The following PPP2R2B variants were observed in gnomAD, a reference collection of about 807,000 sequenced individuals.
PPP2R2B encodes the protein protein phosphatase 2 regulatory subunit Bbeta.
PPP2R2B carries 5 observed loss-of-function variants against 46.0 expected under a neutral mutation model. The observed-to-expected ratio is 0.11, with a 90% CI of 0.06 to 0.23. The LOEUF is 0.23. Ranked by LOEUF, PPP2R2B falls within the 10% of genes least tolerant of loss-of-function variation. The pLI is 1.00. For missense variants in PPP2R2B, 367 were observed against 575.0 expected (o/e 0.64, Z 3.70); for synonymous variants, 215 against 206.7 (o/e 1.04, Z -0.34).
In PPP2R2B at chr5:146,984,230, T is replaced by G. The variant is rs75255627; in HGVS notation, c.79+71435A>C. The stretch of plus-strand genomic sequence containing the variant: ...TTGTTTACTGAGACTTTGTATGCTC[T>G]GACTATCATCTTCTCATTCCTCCAA... On this transcript the variant is annotated intron_variant, in intron 1 of 8. Transcript: ENST00000336640. 5.4e-3 allele frequency among the ~76,000 whole-genome samples: 822 copies of G among 152,338 alleles called. 5 individuals are homozygous for G. Among genetic ancestry groups the G allele is most frequent in the Non-Finnish European group, 9.2e-3 (629 of 68,036 alleles).
chr5:147,071,692 C>T (rs1475037884), intron 2 of PPP2R2B, among the ~76,000 whole-genome samples: 1 of 152,096 alleles, frequency 6.6e-6, no homozygotes, highest in African/African-American at 2.4e-5. Context: ...TGCATGAAGT[C>T]TTGACCATCC....
chr5:146,960,420 G>T (rs1752120032), intron 1 of PPP2R2B, among the ~76,000 whole-genome samples: 1 of 152,130 alleles, frequency 6.6e-6, no homozygotes, highest in Non-Finnish European at 1.5e-5. Flanking sequence ...CTCCTGAGTA[G>T]CTGGGGTTAC....
At chr5:146,877,957 C>T in intron 2 of PPP2R2B, 45 bp downstream of exon 2, 1 of 1,592,144 alleles carries the variant, frequency 6.3e-7, no homozygotes. Context: ...TGATCCGCAA[C>T]TTGCGCCCGG....
At chr5:146,919,880 GT>G (rs1408658133) in intron 1 of PPP2R2B, 4 of 152,168 alleles carry the variant, frequency 2.6e-5, no homozygotes, top group African/African-American at 9.6e-5. Context: ...TGAATTAAAC[GT>G]TTATTTAGAA....
intron 2 of PPP2R2B, among the ~76,000 whole-genome samples, chr5:146,716,383 A>G (rs1780500002): frequency 6.7e-6 from 1 of 148,872 alleles, no homozygotes; most frequent in African/African-American, 2.6e-5. Flanking sequence ...CAGAATTCCT[A>G]TTTTACTCAA....
intron 7 of PPP2R2B, 48 bp from the exon 8 acceptor site, chr5:146,600,508 TG>T: frequency 6.3e-7 from 1 of 1,583,524 alleles, no homozygotes; most frequent in Non-Finnish European, 8.6e-7. Flanking sequence ...CCTTATCAAC[TG>T]ACTCTAACAT....
chr5:147,035,494 T>C (rs571660763), intron 1 of PPP2R2B, among the ~76,000 whole-genome samples: 90 of 152,304 alleles, frequency 5.9e-4, no homozygotes, highest in Middle Eastern at 3.4e-3. Context: ...TGAATTCCTT[T>C]GTCTTCTGTT....
chr5:146,642,616 T>C (rs1247478182), intron 6 of PPP2R2B, among the ~76,000 whole-genome samples: 1 of 152,206 alleles, frequency 6.6e-6, no homozygotes, highest in Non-Finnish European at 1.5e-5. Context: ...TTAAAACTTA[T>C]ACTCTGAAAA....
At chr5:146,914,907 A>G (rs1283156511) in intron 1 of PPP2R2B, among the ~76,000 whole-genome samples, 1 of 152,158 alleles carries the variant, frequency 6.6e-6, no homozygotes, top group East Asian at 1.9e-4. Context: ...CTAGTCCTCC[A>G]CTTTCAGTAT....
At chr5:146,734,897 C>T (rs553516004) in intron 2 of PPP2R2B, among the ~76,000 whole-genome samples, 1 of 152,122 alleles carries the variant, frequency 6.6e-6, no homozygotes, top group African/African-American at 2.4e-5. Context: ...ACTGTTGCAC[C>T]AACCTAAATC....
At chr5:146,786,265 CT>C (rs1332331932) in intron 2 of PPP2R2B, among the ~76,000 whole-genome samples, 1 of 152,170 alleles carries the variant, frequency 6.6e-6, no homozygotes, top group African/African-American at 2.4e-5. Flanking sequence ...CATTTCTGAG[CT>C]TTAGGATAAC....
intron 1 of PPP2R2B, among the ~76,000 whole-genome samples, chr5:146,884,131 A>G (rs1389211143): frequency 7.2e-6 from 1 of 139,806 alleles, no homozygotes; most frequent in Admixed American, 7.4e-5. Context: ...GTTGTTAAAC[A>G]TTTACCAGCC....
intron 1 of PPP2R2B, chr5:147,040,819 A>AG (rs1161675065): frequency 2.3e-6 from 1 of 438,338 alleles, no homozygotes; most frequent in African/African-American, 2.1e-5. Context: ...AAAAAAAAAA[A>AG]AAAAACTGTA....
At chr5:147,008,056 T>C (rs192485189) in intron 1 of PPP2R2B, among the ~76,000 whole-genome samples, 3 of 152,310 alleles carry the variant, frequency 2.0e-5, no homozygotes, top group East Asian at 3.9e-4. Context: ...TTCTTATTTA[T>C]TGAACATCAA....
chr5:146,853,701 T>C (rs1215077084), intron 2 of PPP2R2B, among the ~76,000 whole-genome samples: 2 of 152,078 alleles, frequency 1.3e-5, no homozygotes, highest in African/African-American at 4.8e-5. Context: ...GTATCCACTA[T>C]GGCCACCATC....
intron 1 of PPP2R2B, among the ~76,000 whole-genome samples, chr5:146,981,263 C>A (rs543744456): frequency 1.3e-5 from 2 of 152,184 alleles, no homozygotes; most frequent in East Asian, 3.9e-4. Flanking sequence ...TACTTCAATC[C>A]CTCTTTTAGG....
intron 2 of PPP2R2B, among the ~76,000 whole-genome samples, chr5:146,821,252 C>T (rs1027361653): frequency 7.9e-5 from 12 of 152,152 alleles, no homozygotes; most frequent in African/African-American, 2.7e-4. Context: ...CATCAACCCA[C>T]CTGCCATCCC....
At chr5:147,018,984 G>A (rs1755134443) in intron 1 of PPP2R2B, among the ~76,000 whole-genome samples, 1 of 152,154 alleles carries the variant, frequency 6.6e-6, no homozygotes, top group Non-Finnish European at 1.5e-5. Flanking sequence ...GTATAGTTCA[G>A]CCTACAAATC....
intron 2 of PPP2R2B, among the ~76,000 whole-genome samples, chr5:146,871,072 G>C (rs910759409): frequency 6.6e-6 from 1 of 152,172 alleles, no homozygotes; most frequent in African/African-American, 2.4e-5. Flanking sequence ...AGTTATGTTG[G>C]GGCTGACTTT....
Sources: gnomAD v4.1 joint callset for allele counts (sites outside exome capture counted in the v4.1 genomes callset) on GRCh38, gnomAD v4.1.1 for gene constraint, MANE v1.5 for transcripts, NCBI Gene and HGNC (gene_info 2026-07-23, HGNC 2026-07-21) for gene names.